ZNF75A: variants seen among roughly 807,000 people sequenced by gnomAD.
ZNF75A encodes the protein zinc finger protein 75A.
Under a neutral mutation model 46.3 loss-of-function variants are expected in ZNF75A, and 36 were observed. That is an observed-to-expected ratio of 0.78 (90% confidence interval 0.60 to 1.03). The LOEUF is 1.03. ZNF75A is among the 50% of genes least tolerant of loss of function. The pLI, the probability that ZNF75A is intolerant of heterozygous loss-of-function variation, is 0.00. For synonymous variants in ZNF75A, 234 were observed against 189.9 expected (o/e 1.23, Z -1.91); for missense variants, 595 against 551.3 (o/e 1.08, Z -0.79).
Position 3,311,933 on chromosome 16 carries a change from C to T in ZNF75A, c.589C>T (p.Pro197Ser). ...CAGGAATACTCATAAAGAGACTGAG[C>T]CTGTGTATGAGAGGGGTAAGGAGCT... ...LSRNTHKETE[P>S]VYERAVPTQQ... The change falls in exon 3 of 7, where the codon CCT becomes TCT. Residue 197 changes from proline (P) to serine (S), a missense_variant. By Grantham distance (74) the Pro-to-Ser change is moderately conservative. Coordinates refer to ENST00000669516, the MANE Select transcript of ZNF75A (RefSeq NM_001302109.2). 2 of 986,510 alleles carry T rather than the reference C, an allele frequency of 2.0e-6. No individual in the cohort carries two copies. Among genetic ancestry groups the T allele is most frequent in the African/African-American group, 1.7e-5 (1 of 57,338 alleles). 61.1% of individuals were successfully genotyped at this position (986,510 alleles called of 1,614,324 possible). A position where few individuals can be genotyped will look rare whatever the true frequency, so the allele number is the denominator to read the frequency against.
chr16:3,315,084 C>G, intron 5 of ZNF75A: 1 of 984,862 alleles, frequency 1.0e-6, no homozygotes, highest in Non-Finnish European at 1.2e-6. Context: ...AGATCTTGAT[C>G]CCTTCCCTTT....
At chr16:3,323,423 G>C (rs187828646), downstream of ZNF75A, 188 of 761,930 alleles carry the variant, frequency 2.5e-4, 2 homozygotes, top group East Asian at 2.7e-3. Flanking sequence ...TGTGTTGTCT[G>C]TCAGAGGGAT....
downstream of ZNF75A, among the ~76,000 whole-genome samples, chr16:3,319,783 A>ATTTTTTTTTTTTT (rs55767869): frequency 1.5e-5 from 2 of 133,288 alleles, no homozygotes; most frequent in Non-Finnish European, 1.6e-5. Flanking sequence ...GAAGCTTTTC[A>ATTTTTTTTTTTTT]TTTTTTTTTT....
chr16:3,312,626 C>T lies in ZNF75A; in HGVS notation c.605-51C>T, dbSNP rs59391677. On this transcript the variant is annotated intron_variant, in intron 3 of 6. Coordinates refer to ENST00000669516, the MANE Select transcript of ZNF75A (RefSeq NM_001302109.2). ...AGGATCAGTGTTTTAGAAATGAGCT[C>T]AGGATGTTTATAGATAAAAGAGATT... 0.015 allele frequency: 12,755 copies of T among 848,954 alleles called. 1,332 individuals are homozygous for T. The African/African-American group carries it at 0.21, about 14-fold the overall frequency. 52.6% of individuals were successfully genotyped at this position (848,954 alleles called of 1,614,324 possible). A position where few individuals can be genotyped will look rare whatever the true frequency, so the allele number is the denominator to read the frequency against.
Position 3,317,221 on chromosome 16 carries a change from T to G in ZNF75A, c.966T>G (p.His322Gln). The G allele has an allele frequency of 1.9e-6, 3 of 1,612,276 alleles. No individual in the cohort carries two copies. Among genetic ancestry groups the G allele is most frequent in the African/African-American group, 1.3e-5 (1 of 74,868 alleles). Residue 322 changes from histidine to glutamine, a missense_variant, in exon 7 of 7, where the codon CAT (histidine) becomes CAG (glutamine). By Grantham distance (24) the His-to-Gln change is conservative (BLOSUM62 0). Transcript: ENST00000669516. ...AGCTCAAAAACGACACTGAAAATCA[T>G]CAGCCTGTGTCTCTTTCTGACTTAG... is the stretch of plus-strand genomic sequence containing the variant. ...GLKLKNDTENHQPVSLSDLEI... is the reference protein window; with the variant it reads ...GLKLKNDTENQQPVSLSDLEI...
chr16:3,312,668 C>T lies in ZNF75A; in HGVS notation c.605-9C>T. On this transcript the variant is annotated splice_polypyrimidine_tract_variant and intron_variant, in intron 3 of 6. Transcript: ENST00000669516. Reference sequence around the variant, plus strand: ...AAAGAGATTTCTTCTGGCTCTTTTCCCCCCACAGCTGTGCCTACTCAACAG... The same window carrying T: ...AAAGAGATTTCTTCTGGCTCTTTTCTCCCCACAGCTGTGCCTACTCAACAG... 9.0e-6 allele frequency: 9 copies of T among 996,934 alleles called. No homozygotes were observed. The highest frequency in any genetic ancestry group is 1.1e-5 in the Non-Finnish European group (9 of 835,194). 61.8% of individuals were successfully genotyped at this position (996,934 alleles called of 1,614,324 possible).
intron 5 of ZNF75A, among the ~76,000 whole-genome samples, chr16:3,314,401 GAGCTGTGCTTTCC>G (rs950699478): frequency 3.3e-5 from 5 of 152,286 alleles, no homozygotes; most frequent in African/African-American, 1.2e-4. Flanking sequence ...AGTCCCAGTT[GAGCTGTGCTTTCC>G]AGCAGTGTAG....
In ZNF75A at chr16:3,311,922, A is replaced by G. The variant is rs17136315; in HGVS notation, c.578A>G (p.Lys193Arg). ...GAACAGCTCAGCAGGAATACTCATA[A>G]AGAGACTGAGCCTGTGTATGAGAGG... ...LQEQLSRNTHKETEPVYERAV... is the reference protein window; with the variant it reads ...LQEQLSRNTHRETEPVYERAV... The change falls in exon 3 of 7, where the codon AAA becomes AGA. Residue 193 changes from lysine (K) to arginine (R), a missense_variant. By Grantham distance (26) the Lys-to-Arg change is conservative. Transcript: ENST00000669516. The G allele has an allele frequency of 4.6e-3, 4,534 of 987,572 alleles. 159 individuals are homozygous for G. The African/African-American group carries it at 0.074, about 16-fold the overall frequency. The allele number at this position is 987,572 out of a possible 1,614,324, so 61.2% of individuals were successfully genotyped here. A position where few individuals can be genotyped will look rare whatever the true frequency, so the allele number is the denominator to read the frequency against.
downstream of ZNF75A, chr16:3,323,209 G>T (rs2030009449): frequency 5.5e-6 from 4 of 728,844 alleles, no homozygotes; most frequent in African/African-American, 1.7e-5. Context: ...CAGATGAGCT[G>T]ATTGATGCAT....
intron 5 of ZNF75A, chr16:3,315,275 T>C (rs1011006505): frequency 5.5e-6 from 1 of 181,518 alleles, no homozygotes; most frequent in Non-Finnish European, 1.0e-5. Flanking sequence ...CAGTGCAAGC[T>C]CTGCCTCCCG....
intron 5 of ZNF75A, chr16:3,314,943 G>T (rs922655161): frequency 2.0e-6 from 2 of 985,238 alleles, no homozygotes; most frequent in African/African-American, 3.5e-5. Flanking sequence ...ATGAACCTCT[G>T]TGAGAGGGTC....
Position 3,317,682 on chromosome 16 carries a change from A to G in ZNF75A, c.1427A>G (p.His476Arg). The change falls in exon 7 of 7, where the codon CAC (histidine) becomes CGC (arginine). Residue 476 changes from histidine to arginine, a missense_variant. Coordinates refer to ENST00000669516, the MANE Select transcript of ZNF75A (RefSeq NM_001302109.2). ...AGTCAAAATACAAATTTACATACAC[A>G]CCAAAGAACTCATACAGGAGAAAAG... is the stretch of plus-strand genomic sequence containing the variant. ...SFSQNTNLHTHQRTHTGEKPF... is the reference protein window; with the variant it reads ...SFSQNTNLHTRQRTHTGEKPF... 6.2e-7 allele frequency: 1 copy of G among 1,614,204 alleles called. No individual in the cohort carries two copies. The highest frequency in any genetic ancestry group is 8.5e-7 in the Non-Finnish European group (1 of 1,180,028).
At chr16:3,321,460 C>T (rs1281321088), downstream of ZNF75A, among the ~76,000 whole-genome samples, 1 of 152,154 alleles carries the variant, frequency 6.6e-6, no homozygotes, top group Non-Finnish European at 1.5e-5. Flanking sequence ...GTTAAGCAGA[C>T]TGGACCTTGA....
At chr16:3,306,730 C>G (rs1960287543) in intron 1 of ZNF75A, 1 of 151,724 alleles carries the variant, frequency 6.6e-6, no homozygotes, top group Non-Finnish European at 1.5e-5. Context: ...AAACAAAATT[C>G]GTATAAATCA....
chr16:3,319,249 G>A (rs532969502), downstream of ZNF75A, among the ~76,000 whole-genome samples: 22 of 152,218 alleles, frequency 1.4e-4, no homozygotes, highest in Middle Eastern at 6.8e-3. Context: ...GAGTAGCTGG[G>A]ATTACAGGCA....
chr16:3,313,136 GA>G lies in ZNF75A; in HGVS notation c.785del (p.Asp262ValfsTer2). On this transcript the variant is annotated frameshift_variant, in exon 5 of 7. Coordinates refer to ENST00000669516, the MANE Select transcript of ZNF75A (RefSeq NM_001302109.2). LOFTEE classifies it high-confidence loss of function. ...LDPTQKALYN[D>X]VMQENYETVI... ...TCCCACTCAGAAGGCCCTCTACAATGATGTAATGCAGGAAAACTATGAGACT... is the reference window on the plus strand; with the variant it reads ...TCCCACTCAGAAGGCCCTCTACAATGTGTAATGCAGGAAAACTATGAGACT... 6.2e-7 allele frequency: 1 copy of G among 1,614,060 alleles called. No individual in the cohort carries two copies. Among genetic ancestry groups the G allele is most frequent in the Non-Finnish European group, 8.5e-7 (1 of 1,179,972 alleles).
Position 3,317,439 on chromosome 16 carries a change from A to T in ZNF75A, c.1184A>T (p.Asp395Val). ...LLKLMDRHKK[D>V]CAREKPFKCQ... is the part of the protein sequence containing the mutation. ...AAACTTATGGATCGTCACAAGAAAG[A>T]TTGTGCAAGAGAGAAGCCTTTTAAA... The change falls in exon 7 of 7, where the codon GAT (aspartate) becomes GTT (valine). Residue 395 changes from aspartate (D) to valine (V), a missense_variant. By Grantham distance (152) the Asp-to-Val change is radical. Coordinates refer to ENST00000669516, the MANE Select transcript of ZNF75A (RefSeq NM_001302109.2). The T allele has an allele frequency of 1.9e-6, 3 of 1,614,202 alleles. No individual in the cohort carries two copies. Among genetic ancestry groups the T allele is most frequent in the Non-Finnish European group, 2.5e-6 (3 of 1,180,040 alleles).
rs529586457 is a variant in ZNF75A at position 3,318,671 on chromosome 16, C to G, written c.*802C>G. ...AATTAGTGGGAATTAAGATCAACTT[C>G]TCAGTTTTGTTTGTTTACTTTTTAA... On this transcript the variant is annotated 3_prime_UTR_variant, in exon 7 of 7. Transcript: ENST00000669516. 2.4e-4 allele frequency: 239 copies of G among 985,272 alleles called. 1 individual carries two copies. Among genetic ancestry groups the G allele is most frequent in the Middle Eastern group, 5.2e-4 (1 of 1,936 alleles). The allele number at this position is 985,272 out of a possible 1,614,324, so 61.0% of individuals were successfully genotyped here.
chr16:3,316,967 G>T lies in ZNF75A; in HGVS notation c.879G>T (p.Glu293Asp). The part of the protein sequence containing the change: ...KVISCLEQGE[E>D]PWVQVSPEFK... ...TCTCCTGTCTAGAGCAAGGGGAAGAGCCATGGGTTCAAGTATCCCCGGAGT... is the reference window on the plus strand; with the variant it reads ...TCTCCTGTCTAGAGCAAGGGGAAGATCCATGGGTTCAAGTATCCCCGGAGT... The change falls in exon 6 of 7, where the codon GAG becomes GAT. Residue 293 changes from glutamate to aspartate, a missense_variant. Transcript: ENST00000669516. The T allele has an allele frequency of 6.2e-7, 1 of 1,614,082 alleles. No individual in the cohort carries two copies. The highest frequency in any genetic ancestry group is 8.5e-7 in the Non-Finnish European group (1 of 1,179,980).
Sources: allele counts gnomAD v4.1 joint callset (sites outside exome capture counted in the v4.1 genomes callset), GRCh38; gene constraint gnomAD v4.1.1; transcripts MANE v1.5; gene names NCBI Gene and HGNC (gene_info 2026-07-23, HGNC 2026-07-21).